Variants in BACH1 observed in about 807,000 individuals in gnomAD.
BACH1 encodes BTB domain and CNC homolog 1.
BACH1 carries 35 observed loss-of-function variants against 52.9 expected under a neutral mutation model. The observed-to-expected ratio is 0.66, with a 90% CI of 0.51 to 0.88. The LOEUF is 0.88. BACH1 is among the 40% of genes least tolerant of loss of function. The probability of loss-of-function intolerance (pLI) is 0.00; values close to 1 mark genes in which losing one functional copy is unlikely to be tolerated. For missense variants in BACH1, 808 were observed against 872.6 expected, an observed-to-expected ratio of 0.93 and a Z score of 0.93; for synonymous variants, 321 against 319.6, an observed-to-expected ratio of 1.00 and a Z score of -0.05.
At chr21:29,306,311 A>G in intron 1 of BACH1, among the ~76,000 whole-genome samples, 1 of 151,610 alleles carries the variant, frequency 6.6e-6, no homozygotes, top group Non-Finnish European at 1.5e-5. Flanking sequence ...GGCTGCCACA[A>G]GTTCAAGTGT....
downstream of BACH1, among the ~76,000 whole-genome samples, chr21:29,348,692 C>T (rs1277966590): frequency 6.6e-6 from 1 of 152,140 alleles, no homozygotes; most frequent in Non-Finnish European, 1.5e-5. Context: ...AGGGCTCCCT[C>T]TAGGGGCTCT....
intron 2 of BACH1, among the ~76,000 whole-genome samples, chr21:29,325,187 G>A (rs372111365): frequency 6.7e-4 from 102 of 152,100 alleles, no homozygotes; most frequent in African/African-American, 2.4e-3. Context: ...CCGAGATCGC[G>A]CCACTGCACT....
chr21:29,327,319 A>C lies in BACH1; in HGVS notation c.1495A>C (p.Ser499Arg). 1 of 1,614,202 alleles carries C rather than the reference A, an allele frequency of 6.2e-7. No homozygotes were observed. Among genetic ancestry groups the C allele is most frequent in the Non-Finnish European group, 8.5e-7 (1 of 1,180,046 alleles). The change falls in exon 3 of 5, where the codon AGC (serine) becomes CGC (arginine). Residue 499 changes from serine to arginine, a missense_variant. Physicochemically the swap from Ser to Arg is moderately radical, Grantham distance 110. Transcript: ENST00000286800. ...QEPCPYACVI[S>R]LGDDSETDTE... ...ACCTTGCCCATATGCTTGTGTCATT[A>C]GCTTGGGAGACGACTCTGAGACGGA...
chr21:29,358,829 T>G (rs766936334), intron 2 of BACH1, among the ~76,000 whole-genome samples: 3 of 120,450 alleles, frequency 2.5e-5, no homozygotes, highest in African/African-American at 5.6e-5. Flanking sequence ...AAGAAAGAAA[T>G]GTAAAAAGTG....
At chr21:29,359,730 A>G (rs145425708) in intron 2 of BACH1, among the ~76,000 whole-genome samples, 39 of 152,224 alleles carry the variant, frequency 2.6e-4, no homozygotes, top group African/African-American at 9.2e-4. Flanking sequence ...AAAAAGCTAC[A>G]TACCTCCCTC....
chr21:29,353,575 A>G (rs1168528234), intron 2 of BACH1, among the ~76,000 whole-genome samples: 1 of 152,158 alleles, frequency 6.6e-6, no homozygotes, highest in Non-Finnish European at 1.5e-5. Context: ...TGGAATTCTT[A>G]GCTGACCACC....
rs1380187016 is a variant in BACH1, at chr21:29,315,005, T to C, written c.-60-6216T>C. Among the ~76,000 whole-genome samples the C allele has an allele frequency of 5.3e-5, 8 of 152,328 alleles. No homozygotes were observed. In the East Asian group the frequency reaches 1.5e-3, roughly 29 times the overall value. On this transcript the variant is annotated intron_variant, in intron 1 of 4. Coordinates refer to ENST00000286800, the MANE Select transcript of BACH1 (RefSeq NM_001186.4). ...GGAAGAATGTTGTCTTAAATTACTG[T>C]CCTGAATTAAGTTTCCACAGACTTT...
In BACH1 at chr21:29,343,048, G is replaced by A. The variant is rs2089133895; in HGVS notation, c.*215G>A. ...CCTCCTGGATATCAGAAAAATCCAT[G>A]TGAAAATGTAGTAAACCTTTAAAAC... is the stretch of plus-strand genomic sequence containing the variant. On this transcript the variant is annotated 3_prime_UTR_variant, in exon 5 of 5. Coordinates refer to ENST00000286800, the MANE Select transcript of BACH1 (RefSeq NM_001186.4). 1 of 462,760 alleles carries A rather than the reference G, an allele frequency of 2.2e-6. No individual in the cohort carries two copies. Among genetic ancestry groups the A allele is most frequent in the Non-Finnish European group, 3.8e-6 (1 of 265,438 alleles). The allele number at this position is 462,760 out of a possible 1,614,324, so 28.7% of individuals were successfully genotyped here.
rs909044479 is a variant in BACH1 at position 29,344,586 on chromosome 21, TTGTC to T, written c.*1754_*1757del. On this transcript the variant is annotated 3_prime_UTR_variant, in exon 5 of 5. Coordinates refer to ENST00000286800, the MANE Select transcript of BACH1 (RefSeq NM_001186.4). ...AGCTTTTATAAGTACACTCAAGAAT[TTGTC>T]AGGGAGAATAATTCTGATAGTGCAT... is the stretch of plus-strand genomic sequence containing the variant. The T allele has an allele frequency of 2.0e-5, 3 of 152,310 alleles. No homozygotes were observed. The highest frequency in any genetic ancestry group is 7.3e-5 in the African/African-American group (3 of 41,374). 9.4% of individuals were successfully genotyped at this position (152,310 alleles called of 1,614,324 possible). A position where few individuals can be genotyped will look rare whatever the true frequency, so the allele number is the denominator to read the frequency against.
intron 2 of BACH1, among the ~76,000 whole-genome samples, chr21:29,323,706 TTTAATA>T (rs2088875894): frequency 6.6e-6 from 1 of 152,208 alleles, no homozygotes; most frequent in African/African-American, 2.4e-5. Context: ...CAAGTTGACA[TTTAATA>T]TTAACTGTCA....
At chr21:29,353,335 G>A (rs920136492) in intron 2 of BACH1, among the ~76,000 whole-genome samples, 1 of 152,208 alleles carries the variant, frequency 6.6e-6, no homozygotes, top group Non-Finnish European at 1.5e-5. Flanking sequence ...GTATGGAAGA[G>A]TGTCTACCAG....
At chr21:29,332,156 G>C (rs549695789) in intron 4 of BACH1, among the ~76,000 whole-genome samples, 1 of 152,012 alleles carries the variant, frequency 6.6e-6, no homozygotes, top group Non-Finnish European at 1.5e-5. Context: ...GGATGGTCTC[G>C]ATCTCCTGAC....
At chr21:29,323,518 C>G (rs2088873470) in intron 2 of BACH1, among the ~76,000 whole-genome samples, 1 of 152,170 alleles carries the variant, frequency 6.6e-6, no homozygotes, top group Admixed American at 6.5e-5. Flanking sequence ...CAGCAAGTCA[C>G]CTATCCCACC....
In BACH1 at chr21:29,342,946, GTT is replaced by G. The variant is rs1378992141; in HGVS notation, c.*115_*116del. ...ACAATACTGTTTTTTTCCTTTAGTA[GTT>G]TACCATAAGGGAATTTCCTTTAAGT... On this transcript the variant is annotated 3_prime_UTR_variant, in exon 5 of 5. Transcript: ENST00000286800. The G allele has an allele frequency of 1.9e-6, 2 of 1,078,662 alleles. No homozygotes were observed. Among genetic ancestry groups the G allele is most frequent in the Non-Finnish European group, 2.6e-6 (2 of 781,964 alleles). 66.8% of individuals were successfully genotyped at this position (1,078,662 alleles called of 1,614,324 possible). A position where few individuals can be genotyped will look rare whatever the true frequency, so the allele number is the denominator to read the frequency against.
chr21:29,333,439 G>A (rs2089008109), intron 4 of BACH1, among the ~76,000 whole-genome samples: 1 of 152,182 alleles, frequency 6.6e-6, no homozygotes, highest in Admixed American at 6.5e-5. Flanking sequence ...AGTATTCTTA[G>A]TCTTTATAGT....
Position 29,329,577 on chromosome 21 carries a change from C to G in BACH1, c.1660C>G (p.Gln554Glu). 1 of 1,606,334 alleles carries G rather than the reference C, an allele frequency of 6.2e-7. No individual in the cohort carries two copies. The highest frequency in any genetic ancestry group is 1.3e-5 in the African/African-American group (1 of 74,670). The change falls in exon 4 of 5, where the codon CAG becomes GAG. Residue 554 changes from glutamine (Q) to glutamate (E), a missense_variant. Gln to Glu is a conservative substitution (Grantham distance 29). Transcript: ENST00000286800. ...LLKMHKLTPE[Q>E]LDCIHDIRRR... ...GAAAATGCACAAGCTTACTCCAGAA[C>G]AGCTGGATTGTATCCATGATATTCG...
At chr21:29,341,644 G>T (rs1417830255) in intron 4 of BACH1, among the ~76,000 whole-genome samples, 1 of 152,122 alleles carries the variant, frequency 6.6e-6, no homozygotes, top group Non-Finnish European at 1.5e-5. Context: ...TAATTAGCAA[G>T]CACAAAATTA....
At position 29,329,595 on chromosome 21, in the gene BACH1, G is replaced by A; in HGVS notation, c.1678G>A (p.Asp560Asn). ...TCCAGAACAGCTGGATTGTATCCAT[G>A]ATATTCGAAGAAGAAGTAAAAACAG... ...LTPEQLDCIH[D>N]IRRRSKNRIA... Residue 560 changes from aspartate to asparagine, a missense_variant, in exon 4 of 5, where the codon GAT becomes AAT. By Grantham distance (23) the Asp-to-Asn change is conservative (BLOSUM62 1). Coordinates refer to ENST00000286800, the MANE Select transcript of BACH1 (RefSeq NM_001186.4). 6.2e-7 allele frequency: 1 copy of A among 1,606,570 alleles called. No homozygotes were observed. Among genetic ancestry groups the A allele is most frequent in the Non-Finnish European group, 8.5e-7 (1 of 1,177,488 alleles).
At chr21:29,305,078 A>T (rs550580066) in intron 1 of BACH1, 17 of 151,696 alleles carry the variant, frequency 1.1e-4, no homozygotes, top group African/African-American at 3.4e-4. Flanking sequence ...TGTTTTTCTG[A>T]GGTGTATCTC....
Sources: gnomAD v4.1 joint callset for allele counts (sites outside exome capture counted in the v4.1 genomes callset) on GRCh38, gnomAD v4.1.1 for gene constraint, MANE v1.5 for transcripts, NCBI Gene and HGNC (gene_info 2026-07-23, HGNC 2026-07-21) for gene names.